The following GALNT14 variants were observed in gnomAD, a reference collection of about 807,000 sequenced individuals.
GALNT14 encodes polypeptide N-acetylgalactosaminyltransferase 14, also known as UDP-GalNAc:polypeptide N-acetylgalactosaminyltransferase 14.
A neutral mutation model predicts 77.5 loss-of-function variants in GALNT14; 60 were observed. The ratio of observed to expected loss-of-function variants is 0.77; its 90% CI spans 0.63 to 0.96. The LOEUF is 0.96. GALNT14 is among the 40% of genes least tolerant of loss of function. The pLI, the probability that GALNT14 is intolerant of heterozygous loss-of-function variation, is 0.00. For synonymous variants in GALNT14, 280 were observed against 281.7 expected (o/e 0.99, Z 0.06); for missense variants, 710 against 731.0 (o/e 0.97, Z 0.33).
intron 2 of GALNT14, among the ~76,000 whole-genome samples, chr2:30,992,253 T>G (rs994610573): frequency 3.9e-5 from 6 of 152,134 alleles, no homozygotes; most frequent in African/African-American, 1.4e-4. Context: ...CCAGGCCTGA[T>G]CTCTGCAACC....
intron 10 of GALNT14, among the ~76,000 whole-genome samples, chr2:30,930,733 C>A (rs1327767472): frequency 6.6e-6 from 1 of 152,236 alleles, no homozygotes; most frequent in Non-Finnish European, 1.5e-5. Context: ...AAGCTAGGAC[C>A]TGCAATGACA....
At chr2:30,997,962 T>C (rs1195760876) in intron 1 of GALNT14, among the ~76,000 whole-genome samples, 1 of 152,214 alleles carries the variant, frequency 6.6e-6, no homozygotes. Context: ...GTAACCACCA[T>C]TCTACTCTCT....
At chr2:31,041,533 C>T (rs1312043992) in intron 1 of GALNT14, among the ~76,000 whole-genome samples, 1 of 152,014 alleles carries the variant, frequency 6.6e-6, no homozygotes, top group Non-Finnish European at 1.5e-5. Flanking sequence ...CATGGCTGTC[C>T]CTCATGGTAC....
chr2:31,100,866 G>A (rs1677235779), intron 1 of GALNT14, among the ~76,000 whole-genome samples: 2 of 151,928 alleles, frequency 1.3e-5, no homozygotes, highest in African/African-American at 2.4e-5. Flanking sequence ...GTGAGCTCAG[G>A]ACACTTACAT....
chr2:30,953,724 G>A (rs1316814335), intron 6 of GALNT14, among the ~76,000 whole-genome samples: 1 of 152,110 alleles, frequency 6.6e-6, no homozygotes, highest in East Asian at 1.9e-4. Flanking sequence ...AAAGAACCCA[G>A]CGGACCTTAC....
intron 2 of GALNT14, among the ~76,000 whole-genome samples, chr2:30,981,587 G>A (rs574933154): frequency 6.6e-6 from 1 of 152,050 alleles, no homozygotes; most frequent in South Asian, 2.1e-4. Context: ...AAAGGGCTCT[G>A]ATGCTCTGCA....
chr2:31,016,280 C>G (rs138229911), intron 1 of GALNT14, among the ~76,000 whole-genome samples: 66 of 152,250 alleles, frequency 4.3e-4, no homozygotes, highest in African/African-American at 1.6e-3. Context: ...TTCTGGATTT[C>G]TAATCTTCCC....
chr2:31,027,497 G>A (rs534174344), intron 1 of GALNT14, among the ~76,000 whole-genome samples: 1 of 151,254 alleles, frequency 6.6e-6, no homozygotes, highest in Admixed American at 6.6e-5. Flanking sequence ...CACCTCTTCA[G>A]AGACCATATA....
chr2:31,056,598 A>C (rs556285559), intron 1 of GALNT14, among the ~76,000 whole-genome samples: 1 of 152,162 alleles, frequency 6.6e-6, no homozygotes, highest in Non-Finnish European at 1.5e-5. Context: ...TTTCGTGTGC[A>C]CCTGCCATGG....
intron 1 of GALNT14, among the ~76,000 whole-genome samples, chr2:31,022,562 C>A (rs889477860): frequency 2.6e-5 from 4 of 152,210 alleles, no homozygotes; most frequent in African/African-American, 9.6e-5. Flanking sequence ...AAAACAACGT[C>A]TTCCCACTTA....
In GALNT14 at chr2:30,924,423, T is replaced by C. The variant is rs1477641407; in HGVS notation, c.1236-160A>G. 5 of 743,038 alleles carry C rather than the reference T, an allele frequency of 6.7e-6. No individual in the cohort carries two copies. In the Admixed American group the frequency reaches 8.2e-5, roughly 12 times the overall value. 46.0% of individuals were successfully genotyped at this position (743,038 alleles called of 1,614,324 possible). A position where few individuals can be genotyped will look rare whatever the true frequency, so the allele number is the denominator to read the frequency against. On this transcript the variant is annotated intron_variant, in intron 12 of 14. Coordinates refer to ENST00000349752, the MANE Select transcript of GALNT14 (RefSeq NM_024572.4). The stretch of plus-strand genomic sequence containing the variant: ...GGGCAGGGTGCCACTAAGAATGAGG[T>C]GGCAAGGAAAGACCCAGGAGCTACA...
At chr2:30,926,788 G>A (rs528370749) in intron 11 of GALNT14, among the ~76,000 whole-genome samples, 10 of 152,190 alleles carry the variant, frequency 6.6e-5, no homozygotes, top group African/African-American at 2.2e-4. Context: ...GGCAGCGAAA[G>A]AGGACAGTCC....
intron 1 of GALNT14, among the ~76,000 whole-genome samples, chr2:31,017,603 C>T (rs1671456471): frequency 2.0e-5 from 3 of 151,948 alleles, no homozygotes. Flanking sequence ...AATCTGTCAC[C>T]CTTCACTACT....
intron 6 of GALNT14, among the ~76,000 whole-genome samples, chr2:30,948,834 C>G (rs1214751163): frequency 1.3e-5 from 2 of 152,126 alleles, no homozygotes; most frequent in African/African-American, 4.8e-5. Context: ...TTTGCTTTGA[C>G]TTTAAAAAAA....
intron 1 of GALNT14, among the ~76,000 whole-genome samples, chr2:31,091,120 C>T (rs907194464): frequency 7.2e-5 from 11 of 152,056 alleles, no homozygotes; most frequent in South Asian, 4.1e-4. Flanking sequence ...GGACCCTAAA[C>T]GACAGAATAT....
downstream of GALNT14, among the ~76,000 whole-genome samples, chr2:30,906,947 T>C (rs1193487810): frequency 1.3e-5 from 2 of 152,146 alleles, no homozygotes; most frequent in Non-Finnish European, 2.9e-5. Context: ...AACAACCTGC[T>C]CCTGAATGAC....
At chr2:31,007,460 GTCCAT>G (rs1670751454) in intron 1 of GALNT14, among the ~76,000 whole-genome samples, 1 of 152,158 alleles carries the variant, frequency 6.6e-6, no homozygotes, top group Admixed American at 6.5e-5. Context: ...AATCATTCTT[GTCCAT>G]TCATCAAAGC....
At chr2:30,942,420 T>A in intron 8 of GALNT14, 116 bp from the exon 9 acceptor site, 1 of 702,254 alleles carries the variant, frequency 1.4e-6, no homozygotes, top group Non-Finnish European at 2.4e-6. Context: ...GAAAACCCCA[T>A]TGAGGGAAGA....
At chr2:31,006,746 G>A (rs954427117) in intron 1 of GALNT14, among the ~76,000 whole-genome samples, 2 of 152,220 alleles carry the variant, frequency 1.3e-5, no homozygotes, top group East Asian at 3.8e-4. Flanking sequence ...GCCCAAAGGT[G>A]CTAAACTGGA....
Sources: gnomAD v4.1 joint callset for allele counts (sites outside exome capture counted in the v4.1 genomes callset) on GRCh38, gnomAD v4.1.1 for gene constraint, MANE v1.5 for transcripts, NCBI Gene and HGNC (gene_info 2026-07-23, HGNC 2026-07-21) for gene names.